The following LEF1 variants were observed in gnomAD, a reference collection of about 807,000 sequenced individuals.
LEF1 encodes lymphoid enhancer binding factor 1, also known as lymphoid enhancer-binding factor 1.
In LEF1, 14 loss-of-function variants were observed where a neutral mutation model predicts 51.2. The observed-to-expected ratio is 0.27, with a 90% CI of 0.18 to 0.43. The LOEUF (loss-of-function observed/expected upper bound fraction) is 0.43. Ranked by LOEUF, LEF1 falls within the 20% of genes least tolerant of loss-of-function variation. LEF1 has a pLI of 1.00. For missense variants in LEF1, 386 were observed against 512.0 expected (o/e 0.75, Z 2.37); for synonymous variants, 185 against 183.2 (o/e 1.01, Z -0.08).
intron 9 of LEF1, among the ~76,000 whole-genome samples, chr4:108,064,618 C>T (rs944521813): frequency 2.7e-5 from 4 of 150,726 alleles, no homozygotes; most frequent in South Asian, 2.1e-4. Flanking sequence ...ATATTGACAC[C>T]GTGGGTAGAC....
At chr4:108,145,155 G>A (rs1173811529) in intron 3 of LEF1, among the ~76,000 whole-genome samples, 1 of 152,144 alleles carries the variant, frequency 6.6e-6, no homozygotes, top group Non-Finnish European at 1.5e-5. Context: ...AGTTTTACCA[G>A]AAATATTTAA....
chr4:108,070,395 GTTTCT>G (rs1323151670), intron 9 of LEF1: 3 of 259,878 alleles, frequency 1.2e-5, no homozygotes, highest in African/African-American at 4.5e-5. Context: ...TTTTTTTAAT[GTTTCT>G]TTTATCAAAT....
intron 3 of LEF1, among the ~76,000 whole-genome samples, chr4:108,120,712 T>G (rs1578366825): frequency 6.6e-6 from 1 of 152,252 alleles, no homozygotes; most frequent in East Asian, 1.9e-4. Flanking sequence ...CTGAGTCATG[T>G]AGATTTTCCC....
chr4:108,149,463 A>AAAAAAAAAAAAAAAAAG (rs1744219426), intron 3 of LEF1, among the ~76,000 whole-genome samples: 2 of 147,862 alleles, frequency 1.4e-5, no homozygotes, highest in South Asian at 4.2e-4. Flanking sequence ...CGTCTCAAAA[A>AAAAAAAAAAAAAAAAAG]AAAAAAAAAA....
intron 1 of LEF1, among the ~76,000 whole-genome samples, chr4:108,165,806 G>A (rs184649421): frequency 7.1e-4 from 108 of 152,304 alleles, no homozygotes; most frequent in African/African-American, 2.6e-3. Context: ...TAGCCCAGTT[G>A]ATATCAGTTT....
chr4:108,055,586 T>G (rs1284615483), intron 11 of LEF1, among the ~76,000 whole-genome samples: 2 of 152,184 alleles, frequency 1.3e-5, no homozygotes, highest in Admixed American at 6.5e-5. Context: ...TAAACAAAAT[T>G]TATCCAAAAT....
At chr4:108,119,567 T>TA (rs1320693184) in intron 3 of LEF1, among the ~76,000 whole-genome samples, 3 of 152,136 alleles carry the variant, frequency 2.0e-5, no homozygotes, top group African/African-American at 4.8e-5. Context: ...AAGATTAAAA[T>TA]AAAAAACCCT....
At chr4:108,085,908 A>G (rs932885999) in intron 4 of LEF1, among the ~76,000 whole-genome samples, 1 of 152,200 alleles carries the variant, frequency 6.6e-6, no homozygotes, top group Non-Finnish European at 1.5e-5. Context: ...CTTGGAGAAA[A>G]AGATCACATT....
chr4:108,050,083 C>G (rs1397853072), intron 11 of LEF1, among the ~76,000 whole-genome samples: 1 of 152,198 alleles, frequency 6.6e-6, no homozygotes, highest in Non-Finnish European at 1.5e-5. Context: ...ATTTGTATAC[C>G]TGGGTAGCTA....
intron 8 of LEF1, among the ~76,000 whole-genome samples, chr4:108,077,476 C>T (rs13142552): frequency 1.9e-5 from 2 of 104,640 alleles, no homozygotes; most frequent in South Asian, 4.5e-4. Context: ...TGAGGGGCGC[C>T]TCTGCCCGGC....
intron 8 of LEF1, chr4:108,071,552 T>C (rs994499120): frequency 3.9e-5 from 6 of 152,350 alleles, no homozygotes; most frequent in African/African-American, 1.4e-4. Context: ...TTTACATAAC[T>C]GATTATATAG....
intron 3 of LEF1, among the ~76,000 whole-genome samples, chr4:108,100,442 G>T (rs757239825): frequency 1.3e-5 from 2 of 152,170 alleles, no homozygotes; most frequent in African/African-American, 2.4e-5. Context: ...GGGCATTTCT[G>T]TGAATATAAA....
intron 3 of LEF1, among the ~76,000 whole-genome samples, chr4:108,096,824 C>T (rs774912990): frequency 4.6e-5 from 7 of 152,132 alleles, no homozygotes; most frequent in Non-Finnish European, 1.0e-4. Flanking sequence ...AAATGGCAAA[C>T]AGGTATATGA....
At position 108,078,392 on chromosome 4, in the gene LEF1, G is replaced by A. The variant is rs908562160; in HGVS notation, c.846-10C>T. The A allele has an allele frequency of 2.5e-6, 4 of 1,613,916 alleles. No individual in the cohort carries two copies. The African/African-American group carries it at 5.3e-5, about 22-fold the overall frequency. On this transcript the variant is annotated splice_polypyrimidine_tract_variant and intron_variant, in intron 7 of 11. Transcript: ENST00000265165. ...TTCATGCTGAGGCTTCCTAAAAGGT[G>A]GTGGTGGTGGTGGTTAGGGGAAGGG...
intron 3 of LEF1, among the ~76,000 whole-genome samples, chr4:108,131,079 G>A (rs1742857216): frequency 1.3e-5 from 2 of 151,706 alleles, no homozygotes; most frequent in South Asian, 4.2e-4. Context: ...GGACTCAAGT[G>A]ATCCTCCGCC....
chr4:108,058,670 T>A (rs1737466551), intron 11 of LEF1, among the ~76,000 whole-genome samples: 1 of 152,222 alleles, frequency 6.6e-6, no homozygotes, highest in African/African-American at 2.4e-5. Context: ...TATTTTTATA[T>A]AAGGCACAGC....
Position 108,063,679 on chromosome 4 carries a change from T to A in LEF1, c.1166-16A>T. The A allele has an allele frequency of 1.3e-6, 2 of 1,581,886 alleles. No individual in the cohort carries two copies. The highest frequency in any genetic ancestry group is 2.0e-5 in the Admixed American group (1 of 50,816). ...GGACCTGTACCTGCAGAAAATTGTG[T>A]CTTTAACAAATTTTTATTGAAGAGG... On this transcript the variant is annotated splice_polypyrimidine_tract_variant and intron_variant, in intron 10 of 11. Transcript: ENST00000265165.
At chr4:108,101,610 G>C (rs1281884286) in intron 3 of LEF1, among the ~76,000 whole-genome samples, 2 of 152,162 alleles carry the variant, frequency 1.3e-5, no homozygotes, top group African/African-American at 4.8e-5. Context: ...AAGTTCCTGT[G>C]TACAACAACT....
At chr4:108,106,581 T>C (rs1236563539) in intron 3 of LEF1, among the ~76,000 whole-genome samples, 1 of 152,138 alleles carries the variant, frequency 6.6e-6, no homozygotes, top group East Asian at 1.9e-4. Context: ...GGTACTTTTG[T>C]TGTCGTTTCA....
Sources: gnomAD v4.1 joint callset for allele counts (sites outside exome capture counted in the v4.1 genomes callset) on GRCh38, gnomAD v4.1.1 for gene constraint, MANE v1.5 for transcripts, NCBI Gene and HGNC (gene_info 2026-07-23, HGNC 2026-07-21) for gene names.